The following NRXN3 variants were observed in gnomAD, a reference collection of about 807,000 sequenced individuals.
NRXN3 encodes the protein neurexin III.
NRXN3 carries 32 observed loss-of-function variants against 137.6 expected under a neutral mutation model. That is an observed-to-expected ratio of 0.23 (90% CI 0.18 to 0.31). NRXN3 has a LOEUF of 0.31. NRXN3 is among the 10% of genes least tolerant of loss of function. The pLI is 1.00. For synonymous variants in NRXN3, 798 were observed against 784.5 expected (o/e 1.02, Z -0.29); for missense variants, 1,574 against 2,062.5 (o/e 0.76, Z 4.59).
chr14:79,228,015 G>T (rs1207881801), intron 15 of NRXN3, among the ~76,000 whole-genome samples: 1 of 152,064 alleles, frequency 6.6e-6, no homozygotes, highest in East Asian at 1.9e-4. Context: ...AAGCAAACAG[G>T]ATACTCACAT....
rs139515310 is a variant in NRXN3, at chr14:78,694,556, T to G, written c.1222-14661T>G. 1.5e-3 allele frequency among the ~76,000 whole-genome samples: 229 copies of G among 152,144 alleles called. 1 individual carries two copies. Among genetic ancestry groups the G allele is most frequent in the African/African-American group, 5.4e-3 (223 of 41,488 alleles). On this transcript the variant is annotated intron_variant, in intron 6 of 20. Transcript: ENST00000335750. ...AACGAATTACAAATACTTCATACTC[T>G]AATGCACATGTTTAATTTTTGCTTG...
At chr14:78,865,597 A>G (rs146695797) in intron 10 of NRXN3, among the ~76,000 whole-genome samples, 2 of 152,304 alleles carry the variant, frequency 1.3e-5, no homozygotes, top group African/African-American at 4.8e-5. Context: ...CTTCTGTTGG[A>G]AGAAAACTAG....
In NRXN3 at chr14:78,521,146, CTCTG is replaced by C. The variant is rs139405704; in HGVS notation, c.758-123962_758-123959del. Among the ~76,000 whole-genome samples the C allele has an allele frequency of 5.7e-3, 863 of 152,192 alleles. 45 individuals are homozygous for C. The East Asian group carries it at 0.096, about 17-fold the overall frequency. On this transcript the variant is annotated intron_variant, in intron 4 of 20. Coordinates refer to ENST00000335750, the MANE Select transcript of NRXN3 (RefSeq NM_001330195.2). ...GATCCATTGCATGCTCCTTTGTGTA[CTCTG>C]TCTGTCTGTCTCTCTCTCTTCCTCT...
intron 19 of NRXN3, among the ~76,000 whole-genome samples, chr14:79,781,063 AC>A (rs1208421144): frequency 2.0e-5 from 3 of 152,080 alleles, no homozygotes; most frequent in African/African-American, 7.2e-5. Context: ...TAAATAATTA[AC>A]TAAACCCTTA....
intron 2 of NRXN3, among the ~76,000 whole-genome samples, chr14:78,257,072 G>A (rs1211950225): frequency 3.9e-5 from 6 of 152,130 alleles, no homozygotes; most frequent in Non-Finnish European, 2.9e-5. Flanking sequence ...GGCTTCATGG[G>A]GAGATACTCC....
At chr14:79,665,686 A>G (rs182071974) in intron 17 of NRXN3, among the ~76,000 whole-genome samples, 2 of 152,266 alleles carry the variant, frequency 1.3e-5, no homozygotes, top group East Asian at 3.9e-4. Context: ...CCTTGAGCCA[A>G]TATAGAATCT....
At chr14:78,733,111 T>A (rs4899721) in intron 8 of NRXN3, among the ~76,000 whole-genome samples, 63,624 of 151,856 alleles carry the variant, frequency 0.42, 14,637 homozygotes, top group Middle Eastern at 0.51. Context: ...TTATTTTGTG[T>A]CTGAACCTCA....
intron 1 of NRXN3, among the ~76,000 whole-genome samples, chr14:78,216,263 G>T (rs1182086206): frequency 2.0e-5 from 3 of 151,966 alleles, no homozygotes; most frequent in Admixed American, 6.6e-5. Flanking sequence ...CTTTGGTCCA[G>T]GTGTGAAATG....
At chr14:79,849,765 G>C (rs1306458002) in intron 20 of NRXN3, among the ~76,000 whole-genome samples, 1 of 152,154 alleles carries the variant, frequency 6.6e-6, no homozygotes, top group Non-Finnish European at 1.5e-5. Flanking sequence ...ATACCCAAGG[G>C]AAAGGAAATT....
At chr14:78,569,216 G>A (rs1187190953) in intron 4 of NRXN3, among the ~76,000 whole-genome samples, 9 of 151,028 alleles carry the variant, frequency 6.0e-5, no homozygotes, top group Middle Eastern at 3.5e-3. Context: ...TGATCTTCCC[G>A]CCTCGGCCTC....
chr14:78,633,251 C>CAAA (rs779442429), intron 4 of NRXN3, among the ~76,000 whole-genome samples: 5 of 68,054 alleles, frequency 7.3e-5, no homozygotes, highest in South Asian at 5.6e-4. Flanking sequence ...GAGACTCTGT[C>CAAA]AAAAAAAAAA....
chr14:79,589,248 C>G (rs953211472), intron 16 of NRXN3, among the ~76,000 whole-genome samples: 1 of 152,122 alleles, frequency 6.6e-6, no homozygotes, highest in Non-Finnish European at 1.5e-5. Context: ...GAGCAAAACT[C>G]TGTCTCGAAA....
At chr14:79,462,519 A>G (rs1329810047) in intron 15 of NRXN3, among the ~76,000 whole-genome samples, 1 of 149,892 alleles carries the variant, frequency 6.7e-6, no homozygotes, top group African/African-American at 2.4e-5. Flanking sequence ...ACATATATGT[A>G]TATATATATA....
At chr14:79,647,576 T>C (rs540940209) in intron 16 of NRXN3, among the ~76,000 whole-genome samples, 1 of 135,916 alleles carries the variant, frequency 7.4e-6, no homozygotes, top group African/African-American at 2.4e-5. Context: ...ATCTAGTCTT[T>C]CTTATGAGTC....
chr14:78,958,219 G>A (rs1027167456), intron 11 of NRXN3, among the ~76,000 whole-genome samples: 2 of 152,026 alleles, frequency 1.3e-5, no homozygotes, highest in Admixed American at 1.3e-4. Flanking sequence ...TACCCATTTG[G>A]GCTGGAGAAA....
chr14:78,265,335 TG>T (rs1253039762), intron 2 of NRXN3, among the ~76,000 whole-genome samples: 2 of 152,182 alleles, frequency 1.3e-5, no homozygotes, highest in Admixed American at 1.3e-4. Context: ...AAACCAGTGG[TG>T]GTAGGTGGCA....
intron 10 of NRXN3, among the ~76,000 whole-genome samples, chr14:78,890,993 T>A (rs2099157277): frequency 6.6e-6 from 1 of 151,912 alleles, no homozygotes; most frequent in Non-Finnish European, 1.5e-5. Flanking sequence ...CGGTAATAAG[T>A]AGTATAGGTA....
In NRXN3 at chr14:78,971,767, C is replaced by T. The variant is rs143180336; in HGVS notation, c.3142+3421C>T. 1.5e-3 allele frequency among the ~76,000 whole-genome samples: 223 copies of T among 152,202 alleles called. 6 individuals are homozygous for T. The East Asian group carries it at 0.039, about 27-fold the overall frequency. ...TCTGCTGCCTCAGCCTCCCAAGTAGCTGGGATTACAGGTGCCCACCACCAT... is the reference window on the plus strand; with the variant it reads ...TCTGCTGCCTCAGCCTCCCAAGTAGTTGGGATTACAGGTGCCCACCACCAT... On this transcript the variant is annotated intron_variant, in intron 14 of 20. Transcript: ENST00000335750.
At chr14:78,499,377 T>C (rs951477823) in intron 4 of NRXN3, among the ~76,000 whole-genome samples, 1 of 152,180 alleles carries the variant, frequency 6.6e-6, no homozygotes, top group Non-Finnish European at 1.5e-5. Context: ...CATTTCTTTT[T>C]GTGCAAAGAA....
Sources: gnomAD v4.1 joint callset for allele counts (sites outside exome capture counted in the v4.1 genomes callset) on GRCh38, gnomAD v4.1.1 for gene constraint, MANE v1.5 for transcripts, NCBI Gene and HGNC (gene_info 2026-07-23, HGNC 2026-07-21) for gene names.